MTUS2: variants seen among roughly 807,000 people sequenced by gnomAD.
MTUS2 encodes microtubule associated scaffold protein 2, also known as microtubule-associated tumor suppressor candidate 2.
A neutral mutation model predicts 114.1 loss-of-function variants in MTUS2; 40 were observed. That is an observed-to-expected ratio of 0.35 (90% CI 0.27 to 0.46). The LOEUF is 0.46. MTUS2 is among the 20% of genes least tolerant of loss of function. The pLI, the probability that MTUS2 is intolerant of heterozygous loss-of-function variation, is 1.00. For synonymous variants in MTUS2, 688 were observed against 672.0 expected, an observed-to-expected ratio of 1.02 and a Z score of -0.37; for missense variants, 1,679 against 1,705.4, an observed-to-expected ratio of 0.98 and a Z score of 0.27.
At chr13:29,094,859 G>A (rs898079277) in intron 4 of MTUS2, among the ~76,000 whole-genome samples, 7 of 151,778 alleles carry the variant, frequency 4.6e-5, no homozygotes, top group East Asian at 3.9e-4. Flanking sequence ...GCTGCTTCCC[G>A]TAAGCTTTGG....
chr13:29,100,873 G>C lies in MTUS2; in HGVS notation c.2547G>C (p.Leu849=). Residue 849 remains leucine (L), a synonymous_variant, in exon 5 of 16, where the codon CTG becomes CTC. Coordinates refer to ENST00000612955, the MANE Select transcript of MTUS2 (RefSeq NM_001033602.4). ...PGYSRLPAAK[L]AAFGFVRSSS... ...ACTCACGTCTCCCGGCAGCCAAACT[G>C]GCGGCATTTGGCTTTGTCCGGAGCT... 1.3e-6 allele frequency: 2 copies of C among 1,559,444 alleles called. No individual in the cohort carries two copies. The highest frequency in any genetic ancestry group is 1.7e-6 in the Non-Finnish European group (2 of 1,151,406).
chr13:28,975,343 G>A (rs892304311), intron 2 of MTUS2, among the ~76,000 whole-genome samples: 1 of 152,220 alleles, frequency 6.6e-6, no homozygotes, highest in Non-Finnish European at 1.5e-5. Flanking sequence ...CCACAGAAAC[G>A]CGGCATGGTC....
At chr13:29,379,467 G>A (rs910982841) in intron 8 of MTUS2, among the ~76,000 whole-genome samples, 22 of 152,294 alleles carry the variant, frequency 1.4e-4, no homozygotes, top group South Asian at 1.2e-3. Flanking sequence ...CCACCTACAG[G>A]ACGCTGCGAG....
chr13:29,243,219 T>C (rs1896793198), intron 5 of MTUS2, among the ~76,000 whole-genome samples: 1 of 152,042 alleles, frequency 6.6e-6, no homozygotes. Flanking sequence ...GGAGAGTGTG[T>C]AGAAGGAGAA....
chr13:29,157,293 A>G (rs981709345), intron 5 of MTUS2, among the ~76,000 whole-genome samples: 1 of 152,234 alleles, frequency 6.6e-6, no homozygotes. Context: ...AAATGCCGTC[A>G]AAGTAGTGCT....
At chr13:29,481,578 A>G (rs1487037396) in intron 10 of MTUS2, among the ~76,000 whole-genome samples, 1 of 152,082 alleles carries the variant, frequency 6.6e-6, no homozygotes, top group African/African-American at 2.4e-5. Context: ...CATTGTCCGA[A>G]ACCCTTGGGC....
intron 9 of MTUS2, among the ~76,000 whole-genome samples, chr13:29,467,349 C>A (rs1301017347): frequency 6.6e-6 from 1 of 152,124 alleles, no homozygotes; most frequent in Non-Finnish European, 1.5e-5. Context: ...AATTAAAAAT[C>A]ATTTTTTAAT....
At chr13:29,012,423 A>G (rs7999249) in intron 2 of MTUS2, among the ~76,000 whole-genome samples, 72,450 of 151,982 alleles carry the variant, frequency 0.48, 17,709 homozygotes, top group South Asian at 0.72. Flanking sequence ...AGAGGAGAAT[A>G]AGGCCATCGG....
intron 5 of MTUS2, among the ~76,000 whole-genome samples, chr13:29,102,201 A>C (rs2182990): frequency 0.67 from 102,191 of 152,084 alleles, 35,043 homozygotes; most frequent in Non-Finnish European, 0.74. Context: ...ATGCATGTGC[A>C]TATTAGCAGT....
chr13:29,408,452 A>T (rs891504604), intron 8 of MTUS2, among the ~76,000 whole-genome samples: 1 of 152,110 alleles, frequency 6.6e-6, no homozygotes, highest in African/African-American at 2.4e-5. Context: ...AGTAGCTGGG[A>T]CTATGGGCAC....
In MTUS2 at chr13:29,499,844, C is replaced by T. The variant is rs377325512; in HGVS notation, c.3799-1253C>T. On this transcript the variant is annotated intron_variant, in intron 14 of 15. Transcript: ENST00000612955. The stretch of plus-strand genomic sequence containing the variant: ...CTTTTTGCAGACATCTCTTGCTGCA[C>T]GGGTGCAGTTAATGGGGGCAGACCA... 4.9e-4 allele frequency among the ~76,000 whole-genome samples: 75 copies of T among 152,368 alleles called. No individual in the cohort carries two copies. In the Middle Eastern group the frequency reaches 0.017, roughly 35 times the overall value.
Position 29,281,686 on chromosome 13 carries a change from G to T in MTUS2, c.2645-18G>T, listed in dbSNP as rs77987633. The T allele has an allele frequency of 2.5e-6, 4 of 1,586,626 alleles. No individual in the cohort carries two copies. The highest frequency in any genetic ancestry group is 1.1e-5 in the South Asian group (1 of 88,476). Reference sequence around the variant, plus strand: ...TTTTTCATGAAGTTATAATTAACACGCTGTCTGCCTCCCACAGGTTCAACC... The same window carrying T: ...TTTTTCATGAAGTTATAATTAACACTCTGTCTGCCTCCCACAGGTTCAACC... On this transcript the variant is annotated intron_variant, in intron 5 of 15. Coordinates refer to ENST00000612955, the MANE Select transcript of MTUS2 (RefSeq NM_001033602.4).
intron 5 of MTUS2, among the ~76,000 whole-genome samples, chr13:29,256,260 T>C (rs971408639): frequency 1.3e-5 from 2 of 152,156 alleles, no homozygotes; most frequent in African/African-American, 4.8e-5. Flanking sequence ...TGGTGCCCAG[T>C]GTGGGCTGTC....
chr13:28,990,929 A>G (rs1211512549), intron 2 of MTUS2, among the ~76,000 whole-genome samples: 1 of 152,102 alleles, frequency 6.6e-6, no homozygotes, highest in African/African-American at 2.4e-5. Flanking sequence ...ACAACTCCGG[A>G]TGCGCCACCT....
At chr13:29,216,415 T>A (rs1272342455) in intron 5 of MTUS2, among the ~76,000 whole-genome samples, 2 of 152,178 alleles carry the variant, frequency 1.3e-5, no homozygotes, top group African/African-American at 2.4e-5. Flanking sequence ...CAGGTGCCAC[T>A]GGGATACGAA....
intron 12 of MTUS2, 34 bp downstream of exon 12, chr13:29,492,753 G>C (rs563688432): frequency 3.4e-5 from 52 of 1,512,458 alleles, no homozygotes; most frequent in South Asian, 1.1e-4. Context: ...ACCTGGTATC[G>C]AGATAATGGC....
intron 7 of MTUS2, 135 bp from the exon 8 acceptor site, chr13:29,359,127 A>G (rs964866493): frequency 2.6e-5 from 22 of 851,768 alleles, no homozygotes; most frequent in African/African-American, 3.5e-5. Flanking sequence ...TTTCTTTTCA[A>G]TCCTTAAAAA....
intron 2 of MTUS2, among the ~76,000 whole-genome samples, chr13:28,950,219 ATTC>A (rs1882741251): frequency 6.6e-6 from 1 of 152,028 alleles, no homozygotes; most frequent in African/African-American, 2.4e-5. Flanking sequence ...CCATCTTCAT[ATTC>A]TTGTTGGCCA....
intron 8 of MTUS2, among the ~76,000 whole-genome samples, chr13:29,412,705 C>A (rs1875348606): frequency 6.6e-6 from 1 of 152,026 alleles, no homozygotes; most frequent in Non-Finnish European, 1.5e-5. Context: ...GCCTGGGCAA[C>A]ACAGCAAGAC....
Sources: gnomAD v4.1 joint callset for allele counts (sites outside exome capture counted in the v4.1 genomes callset) on GRCh38, gnomAD v4.1.1 for gene constraint, MANE v1.5 for transcripts, NCBI Gene and HGNC (gene_info 2026-07-23, HGNC 2026-07-21) for gene names.